Variants in ADGRA2 observed in about 807,000 individuals in gnomAD.
ADGRA2 encodes G-protein coupled receptor 124.
In ADGRA2, 61 loss-of-function variants were observed where a neutral mutation model predicts 98.7. The ratio of observed to expected loss-of-function variants is 0.62; its 90% CI spans 0.50 to 0.76. The LOEUF is 0.76. Ranked by LOEUF, ADGRA2 falls within the 30% of genes least tolerant of loss-of-function variation. The pLI, the probability that ADGRA2 is intolerant of heterozygous loss-of-function variation, is 0.00. For missense variants in ADGRA2, 1,712 were observed against 1,860.0 expected, an observed-to-expected ratio of 0.92 and a Z score of 1.46; for synonymous variants, 858 against 831.5, an observed-to-expected ratio of 1.03 and a Z score of -0.55.
chr8:37,833,780 A>G lies in ADGRA2; in HGVS notation c.1389A>G (p.Val463=), dbSNP rs1161512716. 2.5e-6 allele frequency: 4 copies of G among 1,614,116 alleles called. No homozygotes were observed. The South Asian group carries it at 3.3e-5, about 13-fold the overall frequency. Residue 463 remains valine (V), a synonymous_variant, in exon 10 of 19, where the codon GTA becomes GTG. Coordinates refer to ENST00000412232, the MANE Select transcript of ADGRA2 (RefSeq NM_032777.10). ...EAASFSDMMD[V]VYVAQMIQKF... ...CTAGCTTTTCAGACATGATGGATGT[A>G]GTCTATGTGGCTCAGATGATCCAGA...
chr8:37,806,999 G>A (rs897859546), intron 1 of ADGRA2, among the ~76,000 whole-genome samples: 8 of 152,366 alleles, frequency 5.3e-5, no homozygotes, highest in African/African-American at 1.9e-4. Flanking sequence ...AGAAGGCAGG[G>A]TGGAGCAGGA....
At chr8:37,807,209 G>A (rs536439870) in intron 1 of ADGRA2, among the ~76,000 whole-genome samples, 1 of 152,342 alleles carries the variant, frequency 6.6e-6, no homozygotes, top group Admixed American at 6.5e-5. Flanking sequence ...AAGTGCAGGA[G>A]CGGGCAGAAC....
In ADGRA2 at chr8:37,833,335, C is replaced by T. The variant is rs112907928; in HGVS notation, c.1296+127C>T. The T allele has an allele frequency of 2.8e-3, 2,136 of 773,366 alleles. 30 individuals are homozygous for T. In the African/African-American group the frequency reaches 0.034, roughly 12 times the overall value. The allele number at this position is 773,366 out of a possible 1,614,324, so 47.9% of individuals were successfully genotyped here. ...GCTGTGCCTCCTGTTCCTGCCTGTG[C>T]AGAGCCAGGAGCCGGCTCCTCTCCT... On this transcript the variant is annotated intron_variant, in intron 9 of 18. Coordinates refer to ENST00000412232, the MANE Select transcript of ADGRA2 (RefSeq NM_032777.10).
chr8:37,797,801 G>A lies in ADGRA2; in HGVS notation c.266+267G>A, dbSNP rs1398437794. On this transcript the variant is annotated intron_variant, in intron 1 of 18. Transcript: ENST00000412232. The surrounding 1 kb of genome is among the most constrained non-coding windows in gnomAD (Gnocchi z 5.3). ...GCGCCCACTCACCTGCACAGGTGAA[G>A]TGGAGAGCACGCCTGCAGGGCACCC... is the stretch of plus-strand genomic sequence containing the variant. Among the ~76,000 whole-genome samples the A allele has an allele frequency of 1.3e-5, 2 of 152,202 alleles. No homozygotes were observed. Among genetic ancestry groups the A allele is most frequent in the East Asian group, 3.9e-4 (2 of 5,182 alleles).
chr8:37,811,031 G>A (rs533157234), intron 1 of ADGRA2, among the ~76,000 whole-genome samples: 5 of 149,978 alleles, frequency 3.3e-5, no homozygotes, highest in Admixed American at 2.7e-4. Context: ...GGAGAATGGC[G>A]TGAAGCCGGG....
chr8:37,843,500 C>G lies in ADGRA2; in HGVS notation c.*1145C>G, dbSNP rs1395304944. ...ACTCCTTTTAAACACCAGCACCCGT[C>G]TTTTCCCCAACCTAAAACCAACCAC... On this transcript the variant is annotated 3_prime_UTR_variant, in exon 19 of 19. Coordinates refer to ENST00000412232, the MANE Select transcript of ADGRA2 (RefSeq NM_032777.10). 6.6e-6 allele frequency: 1 copy of G among 152,290 alleles called. No homozygotes were observed. Among genetic ancestry groups the G allele is most frequent in the Non-Finnish European group, 1.5e-5 (1 of 68,076 alleles). 9.4% of individuals were successfully genotyped at this position (152,290 alleles called of 1,614,324 possible). A position where few individuals can be genotyped will look rare whatever the true frequency, so the allele number is the denominator to read the frequency against.
At chr8:37,828,617 G>T (rs2130001425) in intron 2 of ADGRA2, among the ~76,000 whole-genome samples, 1 of 151,258 alleles carries the variant, frequency 6.6e-6, no homozygotes, top group South Asian at 2.1e-4. Flanking sequence ...GGGGCTACAG[G>T]TGCACACTGC....
At chr8:37,828,987 A>T (rs1191304705) in intron 3 of ADGRA2, 28 bp downstream of exon 3, 1 of 1,264,152 alleles carries the variant, frequency 7.9e-7, no homozygotes, top group Non-Finnish European at 1.0e-6. Flanking sequence ...CCCTGACCCC[A>T]CCCCTCCCCT....
At chr8:37,840,052 A>C (rs1038466641) in intron 16 of ADGRA2, 69 bp from the exon 17 acceptor site, 36 of 1,399,740 alleles carry the variant, frequency 2.6e-5, no homozygotes, top group Middle Eastern at 1.9e-4. Context: ...GGACACCAGC[A>C]GGACTGAAGC....
intron 1 of ADGRA2, among the ~76,000 whole-genome samples, chr8:37,799,529 G>A (rs549907160): frequency 6.6e-6 from 1 of 152,286 alleles, no homozygotes; most frequent in Admixed American, 6.5e-5. Context: ...AAGGAAGTGG[G>A]GGAGGCGGTA....
Position 37,842,324 on chromosome 8 carries a change from C to T in ADGRA2, c.3986C>T (p.Thr1329Ile). ...GTAGCCAGCGGCGGCTGCATGAAGA[C>T]CGGACTCTGGAAGAGCGAAACTACC... The part of the protein sequence containing the change: ...AEVASGGCMK[T>I]GLWKSETTV The change falls in exon 19 of 19, where the codon ACC (threonine) becomes ATC (isoleucine). Residue 1329 changes from threonine (T) to isoleucine (I), a missense_variant. Physicochemically the swap from Thr to Ile is moderately conservative, Grantham distance 89. Coordinates refer to ENST00000412232, the MANE Select transcript of ADGRA2 (RefSeq NM_032777.10). 3 of 1,526,698 alleles carry T rather than the reference C, an allele frequency of 2.0e-6. No homozygotes were observed. The highest frequency in any genetic ancestry group is 2.2e-5 in the Admixed American group (1 of 45,010). 94.6% of individuals were successfully genotyped at this position (1,526,698 alleles called of 1,614,324 possible).
intron 1 of ADGRA2, among the ~76,000 whole-genome samples, chr8:37,798,294 T>G (rs1563334938): frequency 6.6e-6 from 1 of 152,210 alleles, no homozygotes; most frequent in Non-Finnish European, 1.5e-5. Context: ...GCGCAAAGAT[T>G]GCGAAGAAAG....
Position 37,797,165 on chromosome 8 carries a change from G to A in ADGRA2, c.-104G>A, listed in dbSNP as rs1408807411. 2 of 940,888 alleles carry A rather than the reference G, an allele frequency of 2.1e-6. No homozygotes were observed. Among genetic ancestry groups the A allele is most frequent in the Admixed American group, 4.7e-5 (1 of 21,196 alleles). The allele number at this position is 940,888 out of a possible 1,614,324, so 58.3% of individuals were successfully genotyped here. A position where few individuals can be genotyped will look rare whatever the true frequency, so the allele number is the denominator to read the frequency against. ...CCCAGGGCCCCCCTCCACGCCCTCG[G>A]GAGCCCCGGGCCCCCGCTGAGCACT... On this transcript the variant is annotated 5_prime_UTR_variant, in exon 1 of 19. Coordinates refer to ENST00000412232, the MANE Select transcript of ADGRA2 (RefSeq NM_032777.10). This position sits in a 1 kb window ranked among gnomAD's most constrained non-coding sequence, Gnocchi z 5.3.
chr8:37,825,177 G>A (rs899261498), intron 2 of ADGRA2, among the ~76,000 whole-genome samples: 16 of 152,170 alleles, frequency 1.1e-4, no homozygotes, highest in African/African-American at 3.9e-4. Context: ...ATCTGCGCGT[G>A]CTTCCACAAG....
intron 2 of ADGRA2, among the ~76,000 whole-genome samples, chr8:37,818,537 C>T (rs1179393166): frequency 2.0e-5 from 3 of 152,238 alleles, no homozygotes; most frequent in South Asian, 2.1e-4. Context: ...CCGAGTCGTG[C>T]GATGTAGGAG....
chr8:37,813,225 C>G (rs747142221), intron 1 of ADGRA2, among the ~76,000 whole-genome samples: 5 of 152,074 alleles, frequency 3.3e-5, no homozygotes, highest in African/African-American at 7.2e-5. Context: ...AAGACCTCAT[C>G]TCTAAAAAAA....
At chr8:37,813,434 G>A (rs900346503) in intron 1 of ADGRA2, among the ~76,000 whole-genome samples, 1 of 152,126 alleles carries the variant, frequency 6.6e-6, no homozygotes, top group African/African-American at 2.4e-5. Context: ...ATAATAACGT[G>A]AGTTCATAGA....
At chr8:37,828,820 A>G in intron 2 of ADGRA2, 68 bp from the exon 3 acceptor site, 1 of 1,254,028 alleles carries the variant, frequency 8.0e-7, no homozygotes, top group Non-Finnish European at 1.1e-6. Context: ...GACAGTGAGG[A>G]CCCCTCCCGG....
Position 37,841,856 on chromosome 8 carries a change from C to T in ADGRA2, c.3518C>T (p.Pro1173Leu). 1 of 1,534,280 alleles carries T rather than the reference C, an allele frequency of 6.5e-7. No homozygotes were observed. Among genetic ancestry groups the T allele is most frequent in the Non-Finnish European group, 8.7e-7 (1 of 1,146,428 alleles). The change falls in exon 19 of 19, where the codon CCC becomes CTC. Residue 1173 changes from proline to leucine, a missense_variant. Transcript: ENST00000412232. The surrounding 1 kb of genome is among the most constrained non-coding windows in gnomAD (Gnocchi z 5.0). Reference sequence around the variant, plus strand: ...CGGGGAAACCTCGCCCACCGCCACCCCAACAACGTGCACCACGGGCGTCGG... The same window carrying T: ...CGGGGAAACCTCGCCCACCGCCACCTCAACAACGTGCACCACGGGCGTCGG... ...GTRGNLAHRH[P>L]NNVHHGRRAH... is the part of the protein sequence containing the mutation.
Sources: gnomAD v4.1 joint callset for allele counts (sites outside exome capture counted in the v4.1 genomes callset) on GRCh38, gnomAD v4.1.1 for gene constraint, Gnocchi (gnomAD v3.1) non-coding constraint, MANE v1.5 for transcripts, NCBI Gene and HGNC (gene_info 2026-07-23, HGNC 2026-07-21) for gene names.